Variants in PCDHA13 observed in about 807,000 individuals in gnomAD.
PCDHA13 encodes the protein protocadherin alpha-13.
In PCDHA13, 54 loss-of-function variants were observed where a neutral mutation model predicts 64.8. The observed-to-expected ratio is 0.83, with a 90% CI of 0.67 to 1.04. The LOEUF is 1.04. Ranked by LOEUF, PCDHA13 falls within the 50% of genes least tolerant of loss-of-function variation. PCDHA13 has a pLI of 0.00. For missense variants in PCDHA13, 1,248 were observed against 1,254.3 expected, an observed-to-expected ratio of 0.99 and a Z score of 0.08; for synonymous variants, 587 against 564.4, an observed-to-expected ratio of 1.04 and a Z score of -0.57.
intron 1 of PCDHA13, chr5:140,968,772 C>T (rs782257554): frequency 1.2e-6 from 2 of 1,614,180 alleles, no homozygotes; most frequent in South Asian, 1.1e-5. Context: ...GGAGAGCCAT[C>T]ACTATCAGCC....
At chr5:140,915,259 T>A (rs1344301014) in intron 1 of PCDHA13, among the ~76,000 whole-genome samples, 2 of 152,182 alleles carry the variant, frequency 1.3e-5, no homozygotes, top group African/African-American at 2.4e-5. Flanking sequence ...GTTGTTATTA[T>A]TTTTGACCAG....
chr5:140,927,176 TGACCTAC>T (rs1285493810), intron 1 of PCDHA13: 5 of 1,614,156 alleles, frequency 3.1e-6, no homozygotes, highest in Non-Finnish European at 4.2e-6. Flanking sequence ...GCCTGCGTCT[TGACCTAC>T]GACCTGGTGC....
intron 1 of PCDHA13, among the ~76,000 whole-genome samples, chr5:140,916,719 A>G (rs921368119): frequency 2.0e-5 from 3 of 152,128 alleles, no homozygotes; most frequent in Non-Finnish European, 2.9e-5. Context: ...GGAAGGAGTG[A>G]CTTTTGTTGC....
In PCDHA13 at chr5:140,969,463, C is replaced by G. The variant is rs549074334; in HGVS notation, c.2395-9486C>G. ...CTGGTAAACTGAGTATATATAGTAT[C>G]CACAATTTGATCATAATCTGCTATT... On this transcript the variant is annotated intron_variant, in intron 1 of 3. Coordinates refer to ENST00000289272, the MANE Select transcript of PCDHA13 (RefSeq NM_018904.3). 74 of 1,491,016 alleles carry G rather than the reference C, an allele frequency of 5.0e-5. No homozygotes were observed. In the South Asian group the frequency reaches 6.0e-4, roughly 12 times the overall value. The allele number at this position is 1,491,016 out of a possible 1,614,324, so 92.4% of individuals were successfully genotyped here.
At chr5:140,957,398 TTTA>T (rs2095356378) in intron 1 of PCDHA13, among the ~76,000 whole-genome samples, 1 of 152,304 alleles carries the variant, frequency 6.6e-6, no homozygotes, top group South Asian at 2.1e-4. Context: ...ATTGTCCTAA[TTTA>T]TTATTATTGT....
At chr5:140,993,509 CGG>C (rs2097568014) in intron 3 of PCDHA13, among the ~76,000 whole-genome samples, 2 of 143,600 alleles carry the variant, frequency 1.4e-5, no homozygotes, top group South Asian at 4.6e-4. Context: ...CACACACACA[CGG>C]GGAGAGAGAG....
chr5:141,004,883 A>T (rs1273215928), intron 3 of PCDHA13, among the ~76,000 whole-genome samples: 4 of 152,132 alleles, frequency 2.6e-5, no homozygotes, highest in Admixed American at 2.0e-4. Flanking sequence ...CTAAAGTGCT[A>T]TTGTGTCAGC....
chr5:141,000,158 A>G (rs1313496168), intron 3 of PCDHA13, among the ~76,000 whole-genome samples: 1 of 151,968 alleles, frequency 6.6e-6, no homozygotes, highest in Non-Finnish European at 1.5e-5. Context: ...AACAAAAACT[A>G]TTTGATTATT....
rs1166002941 is a variant in PCDHA13 at position 141,000,351 on chromosome 5, G to A, written c.2543-9276G>A. ...ACAGCAAGGCCCTATCTCTCTCTCT[G>A]TCTCTCTCTGTCTCTCTCTCTCTCT... On this transcript the variant is annotated intron_variant, in intron 3 of 3. Transcript: ENST00000289272. Among the ~76,000 whole-genome samples the A allele has an allele frequency of 6.0e-5, 4 of 66,852 alleles. No homozygotes were observed. The Admixed American group carries it at 6.5e-4, about 11-fold the overall frequency. 43.9% of individuals were successfully genotyped at this position (66,852 alleles called of 152,430 possible).
intron 1 of PCDHA13, among the ~76,000 whole-genome samples, chr5:140,975,398 TCA>T (rs1554236785): frequency 1.3e-4 from 20 of 152,270 alleles, no homozygotes. Flanking sequence ...TCCATCACAA[TCA>T]CAGTCTTGGA....
At chr5:140,915,646 C>A (rs2077236708) in intron 1 of PCDHA13, among the ~76,000 whole-genome samples, 1 of 151,916 alleles carries the variant, frequency 6.6e-6, no homozygotes, top group Non-Finnish European at 1.5e-5. Flanking sequence ...CTCTCTCTCT[C>A]TCTCTCTCTC....
At chr5:140,926,554 G>A (rs2083344574) in intron 1 of PCDHA13, 1 of 237,224 alleles carries the variant, frequency 4.2e-6, no homozygotes, top group Non-Finnish European at 8.0e-6. Context: ...CGAGACCCCA[G>A]CCCGCTGCTA....
chr5:140,900,187 T>C (rs529700623), intron 1 of PCDHA13, among the ~76,000 whole-genome samples: 1 of 152,346 alleles, frequency 6.6e-6, no homozygotes, highest in Non-Finnish European at 1.5e-5. Context: ...ATGTCACTTA[T>C]AATGACATCC....
At chr5:140,892,553 C>T (rs2063570808) in intron 1 of PCDHA13, among the ~76,000 whole-genome samples, 1 of 152,170 alleles carries the variant, frequency 6.6e-6, no homozygotes, top group South Asian at 2.1e-4. Flanking sequence ...TTTCTCTAGT[C>T]CTTGGAGACT....
intron 1 of PCDHA13, among the ~76,000 whole-genome samples, chr5:140,978,306 A>C (rs2096795659): frequency 6.6e-6 from 1 of 152,230 alleles, no homozygotes; most frequent in Non-Finnish European, 1.5e-5. Flanking sequence ...GCACTCAGGA[A>C]GGAGCAGGAA....
At chr5:140,978,491 C>T (rs550205477) in intron 1 of PCDHA13, among the ~76,000 whole-genome samples, 2 of 152,354 alleles carry the variant, frequency 1.3e-5, no homozygotes, top group African/African-American at 4.8e-5. Flanking sequence ...GCAAAGCCAG[C>T]AGCAGATTGC....
chr5:140,939,729 G>A (rs1376988004), intron 1 of PCDHA13, among the ~76,000 whole-genome samples: 16 of 152,166 alleles, frequency 1.1e-4, no homozygotes, highest in Admixed American at 1.0e-3. Context: ...ATTGTTGTGT[G>A]TAGCTGTGTA....
intron 3 of PCDHA13, among the ~76,000 whole-genome samples, chr5:141,006,404 G>T (rs1001810745): frequency 6.6e-6 from 1 of 151,938 alleles, no homozygotes; most frequent in Admixed American, 6.6e-5. Flanking sequence ...TAGTAGAGAC[G>T]CGGTTTCACT....
chr5:140,915,638 C>CTT (rs1183097723), intron 1 of PCDHA13, among the ~76,000 whole-genome samples: 1 of 151,724 alleles, frequency 6.6e-6, no homozygotes, highest in African/African-American at 2.4e-5. Context: ...CTCTCTCTCT[C>CTT]TCTCTCTCTC....
Sources: gnomAD v4.1 joint callset for allele counts (sites outside exome capture counted in the v4.1 genomes callset) on GRCh38, gnomAD v4.1.1 for gene constraint, MANE v1.5 for transcripts, NCBI Gene and HGNC (gene_info 2026-07-23, HGNC 2026-07-21) for gene names.